The following ARHGAP8 variants were observed in gnomAD, a reference collection of about 807,000 sequenced individuals.
The protein encoded by ARHGAP8 is Rho GTPase activating protein 8.
ARHGAP8 carries 62 observed loss-of-function variants against 46.1 expected under a neutral mutation model. The ratio of observed to expected loss-of-function variants is 1.34; its 90% CI spans 1.10 to 1.66. The LOEUF is 1.66. Ranked by LOEUF, ARHGAP8 falls within the 40% of genes most tolerant of loss-of-function variation. The pLI is 0.00. For missense variants in ARHGAP8, 923 were observed against 568.4 expected (o/e 1.62, Z -6.34); for synonymous variants, 375 against 243.1 (o/e 1.54, Z -5.05).
At chr22:44,837,032 G>C (rs1035321911) in intron 7 of ARHGAP8, among the ~76,000 whole-genome samples, 2 of 152,022 alleles carry the variant, frequency 1.3e-5, no homozygotes, top group Admixed American at 6.6e-5. Flanking sequence ...CTACAGGCGC[G>C]TGCCACCGTA....
chr22:44,838,139 A>ATTT (rs1569172273), intron 7 of ARHGAP8, among the ~76,000 whole-genome samples: 1 of 139,064 alleles, frequency 7.2e-6, no homozygotes, highest in African/African-American at 2.7e-5. Context: ...ATGCCTGGCT[A>ATTT]ATTTTTTTTT....
intron 10 of ARHGAP8, among the ~76,000 whole-genome samples, chr22:44,857,753 C>G (rs943262305): frequency 6.6e-6 from 1 of 152,146 alleles, no homozygotes; most frequent in African/African-American, 2.4e-5. Context: ...CCCAGCCTCC[C>G]ACATGCAAGC....
intron 2 of ARHGAP8, among the ~76,000 whole-genome samples, chr22:44,797,420 TTGTC>T (rs1928172040): frequency 6.6e-6 from 1 of 152,208 alleles, no homozygotes; most frequent in South Asian, 2.1e-4. Flanking sequence ...GGTAGACACT[TTGTC>T]TGGAAAACAC....
intron 1 of ARHGAP8, among the ~76,000 whole-genome samples, chr22:44,774,518 A>ATTTT (rs132473): frequency 1.2e-4 from 14 of 119,498 alleles, no homozygotes; most frequent in Non-Finnish European, 1.6e-4. Context: ...TCTTTGGGAG[A>ATTTT]TTTTTTTTTT....
intron 7 of ARHGAP8, among the ~76,000 whole-genome samples, chr22:44,832,990 C>A (rs1194254954): frequency 6.6e-6 from 1 of 151,032 alleles, no homozygotes; most frequent in Non-Finnish European, 1.5e-5. Flanking sequence ...CACACACACA[C>A]AAAAGAATCA....
At chr22:44,859,906 A>C (rs1601534382) in intron 11 of ARHGAP8, 72 bp downstream of exon 11, 5 of 1,533,082 alleles carry the variant, frequency 3.3e-6, no homozygotes, top group Non-Finnish European at 4.4e-6. Context: ...CGCATGGACC[A>C]GTCCCCTCCT....
At chr22:44,777,998 T>TTTTATTTATTTATTTA (rs59802896) in intron 1 of ARHGAP8, among the ~76,000 whole-genome samples, 1 of 143,694 alleles carries the variant, frequency 7.0e-6, no homozygotes, top group African/African-American at 2.6e-5. Flanking sequence ...GCCTGGACTA[T>TTTTATTTATTTATTTA]TTTATTTATT....
At chr22:44,786,236 G>T (rs1408186819) in intron 1 of ARHGAP8, 2 of 636,280 alleles carry the variant, frequency 3.1e-6, no homozygotes, top group Non-Finnish European at 5.4e-6. Flanking sequence ...TATAATGGGT[G>T]CTCGGCTGAG....
intron 7 of ARHGAP8, among the ~76,000 whole-genome samples, chr22:44,830,605 C>T (rs1448589286): frequency 6.6e-6 from 1 of 152,106 alleles, no homozygotes; most frequent in South Asian, 2.1e-4. Context: ...GACACGATCT[C>T]GGCTCACTGC....
intron 1 of ARHGAP8, chr22:44,766,037 T>A (rs1337615390): frequency 6.6e-6 from 1 of 152,214 alleles, no homozygotes; most frequent in Non-Finnish European, 1.5e-5. Context: ...TGGGACACGC[T>A]GGGCCTCCCC....
rs183739692 is a variant in ARHGAP8, at chr22:44,769,776, A to C, written c.-71-16681A>C. Reference sequence around the variant, plus strand: ...AGAAAACCCAATTCATTGAGACCGCAGGATTGCGGTAAAGAAACAGTTTCA... The same window carrying C: ...AGAAAACCCAATTCATTGAGACCGCCGGATTGCGGTAAAGAAACAGTTTCA... On this transcript the variant is annotated intron_variant, in intron 1 of 11. Coordinates refer to ENST00000356099, the MANE Select transcript of ARHGAP8 (RefSeq NM_181335.3). Among the ~76,000 whole-genome samples, 174 of 152,304 alleles carry C rather than the reference A, an allele frequency of 1.1e-3. No homozygotes were observed. In the Middle Eastern group the frequency reaches 0.017, roughly 15 times the overall value.
intron 1 of ARHGAP8, among the ~76,000 whole-genome samples, chr22:44,755,819 G>A (rs1438533474): frequency 6.6e-6 from 1 of 152,152 alleles, no homozygotes; most frequent in African/African-American, 2.4e-5. Context: ...GGAGAGGCAG[G>A]CGCTGCAATG....
chr22:44,852,960 G>C (rs575910966), intron 10 of ARHGAP8, among the ~76,000 whole-genome samples: 1 of 152,076 alleles, frequency 6.6e-6, no homozygotes, highest in Non-Finnish European at 1.5e-5. Context: ...GTGTCACCAC[G>C]CCTGGCTAAT....
chr22:44,809,167 C>T (rs745949976), intron 4 of ARHGAP8: 3 of 471,102 alleles, frequency 6.4e-6, no homozygotes, highest in South Asian at 4.6e-5. Context: ...TTTAGCTTTG[C>T]AGGCCTGTTG....
intron 2 of ARHGAP8, among the ~76,000 whole-genome samples, chr22:44,793,112 G>A (rs6007303): frequency 9.2e-5 from 14 of 152,276 alleles, no homozygotes; most frequent in Non-Finnish European, 1.3e-4. Context: ...ATGAGCCACC[G>A]CACCTGGCCA....
At chr22:44,812,579 T>C (rs1404051795) in intron 4 of ARHGAP8, among the ~76,000 whole-genome samples, 2 of 151,820 alleles carry the variant, frequency 1.3e-5, no homozygotes, top group Non-Finnish European at 2.9e-5. Flanking sequence ...ATGGTCTCCA[T>C]CTCTTGACCT....
At chr22:44,851,393 A>ATATTTATT (rs35942720) in intron 10 of ARHGAP8, among the ~76,000 whole-genome samples, 87 of 151,126 alleles carry the variant, frequency 5.8e-4, no homozygotes, top group African/African-American at 1.9e-3. Context: ...AGCCTTTTAA[A>ATATTTATT]TATTTATTTA....
chr22:44,758,575 G>A (rs1468197000), intron 1 of ARHGAP8, among the ~76,000 whole-genome samples: 2 of 152,074 alleles, frequency 1.3e-5, no homozygotes, highest in Non-Finnish European at 2.9e-5. Context: ...GAAACCATCT[G>A]TGGCTCACTT....
chr22:44,859,383 C>G (rs1254409397), intron 10 of ARHGAP8, among the ~76,000 whole-genome samples: 1 of 152,150 alleles, frequency 6.6e-6, no homozygotes, highest in African/African-American at 2.4e-5. Context: ...CCTGTTTTTG[C>G]CACGTGATGC....
Sources: allele counts gnomAD v4.1 joint callset (sites outside exome capture counted in the v4.1 genomes callset), GRCh38; gene constraint gnomAD v4.1.1; transcripts MANE v1.5; gene names NCBI Gene and HGNC (gene_info 2026-07-23, HGNC 2026-07-21).